Variants in PMPCA observed in about 807,000 individuals in gnomAD.
The protein encoded by PMPCA is mitochondrial-processing peptidase subunit alpha.
Under a neutral mutation model 59.3 loss-of-function variants are expected in PMPCA, and 47 were observed. That is an observed-to-expected ratio of 0.79 (90% CI 0.63 to 1.01). The LOEUF (loss-of-function observed/expected upper bound fraction) is 1.01. Among genes scored for constraint, PMPCA ranks in the 50% least tolerant of loss-of-function variants. The pLI is 0.00. For missense variants in PMPCA, 726 were observed against 704.5 expected, an observed-to-expected ratio of 1.03 and a Z score of -0.34; for synonymous variants, 338 against 290.3, an observed-to-expected ratio of 1.16 and a Z score of -1.67.
At chr9:136,422,986 G>A (rs1238777815) in intron 12 of PMPCA, 109 bp from the exon 13 acceptor site, 33 of 1,472,426 alleles carry the variant, frequency 2.2e-5, no homozygotes, top group Non-Finnish European at 2.7e-5. Context: ...CAGCAGCACA[G>A]CGTGAGTGAG....
intron 1 of PMPCA, chr9:136,411,523 G>C (rs994578923): frequency 5.5e-6 from 1 of 183,334 alleles, no homozygotes; most frequent in Non-Finnish European, 1.2e-5. Flanking sequence ...GGGTTGATGA[G>C]TCAAATGTGT....
At chr9:136,419,475 C>G (rs1018329702) in intron 11 of PMPCA, 5 of 391,368 alleles carry the variant, frequency 1.3e-5, no homozygotes, top group Admixed American at 1.1e-4. Context: ...TCAGCCGCCT[C>G]TGTGAGGTGA....
chr9:136,418,320 G>A (rs1420959891), intron 8 of PMPCA, among the ~76,000 whole-genome samples: 1 of 151,404 alleles, frequency 6.6e-6, no homozygotes, highest in Non-Finnish European at 1.5e-5. Flanking sequence ...GTCTGACGGC[G>A]CTCGTGACAC....
chr9:136,416,446 AC>A, intron 6 of PMPCA, 55 bp downstream of exon 6: 1 of 1,247,220 alleles, frequency 8.0e-7, no homozygotes, highest in Non-Finnish European at 1.2e-6. Flanking sequence ...TCCTCGGGAC[AC>A]CAGGGGTGGT....
chr9:136,423,507 C>T lies in PMPCA; in HGVS notation c.*243C>T, dbSNP rs1332001677. The stretch of plus-strand genomic sequence containing the variant: ...TGAAGTGCCCAGCGCTGGAGTGCAG[C>T]GTGCCACGAGGAGGGCGGTCGGTGC... On this transcript the variant is annotated 3_prime_UTR_variant, in exon 13 of 13. Coordinates refer to ENST00000371717, the MANE Select transcript of PMPCA (RefSeq NM_015160.3). 2.1e-5 allele frequency: 10 copies of T among 487,632 alleles called. No homozygotes were observed. The highest frequency in any genetic ancestry group is 6.7e-5 in the Admixed American group (2 of 29,854). The allele number at this position is 487,632 out of a possible 1,614,324, so 30.2% of individuals were successfully genotyped here.
At chr9:136,417,352 C>A in intron 7 of PMPCA, 138 bp downstream of exon 7, 1 of 642,498 alleles carries the variant, frequency 1.6e-6, no homozygotes. Flanking sequence ...ATGCTGTAGT[C>A]CCACAGCAGG....
At chr9:136,413,532 C>T (rs1393709152) in intron 4 of PMPCA, among the ~76,000 whole-genome samples, 1 of 152,196 alleles carries the variant, frequency 6.6e-6, no homozygotes, top group Non-Finnish European at 1.5e-5. Context: ...AAAAATTACA[C>T]ATAAAAGACA....
Position 136,417,167 on chromosome 9 carries a change from G to C in PMPCA, c.850G>C (p.Val284Leu), listed in dbSNP as rs374905438. The change falls in exon 7 of 13, where the codon GTG (valine) becomes CTG (leucine). Residue 284 changes from valine (V) to leucine (L), a missense_variant. By Grantham distance (32) the Val-to-Leu change is conservative. Transcript: ENST00000371717. Reference protein sequence around the residue: ...VQPAWGSAEAVDIDRSVAQYT... With the variant: ...VQPAWGSAEALDIDRSVAQYT... ...GCCGGCCTGGGGGAGCGCAGAGGCC[G>C]TGGATATTGACAGATCTGTGGCCCA... 1.2e-6 allele frequency: 2 copies of C among 1,610,102 alleles called. No homozygotes were observed. The highest frequency in any genetic ancestry group is 1.7e-6 in the Non-Finnish European group (2 of 1,177,400).
At chr9:136,422,892 A>T in intron 12 of PMPCA, 3 of 1,389,132 alleles carry the variant, frequency 2.2e-6, no homozygotes, top group Non-Finnish European at 2.8e-6. Context: ...CCATGTCCCC[A>T]TTTACTGAGA....
chr9:136,411,449 T>A (rs932413421), intron 1 of PMPCA: 1 of 161,398 alleles, frequency 6.2e-6, no homozygotes, highest in African/African-American at 2.4e-5. Context: ...AGGGAAGAGC[T>A]GAAGAATGAA....
intron 4 of PMPCA, among the ~76,000 whole-genome samples, chr9:136,413,607 T>G (rs1000642106): frequency 2.0e-5 from 3 of 152,204 alleles, no homozygotes; most frequent in Non-Finnish European, 4.4e-5. Context: ...ACAAGGCCTC[T>G]TAATACCCCC....
chr9:136,417,142 G>A lies in PMPCA; in HGVS notation c.825G>A (p.Gln275=), dbSNP rs1404980039. ...CCCGGAAGTACCTCCTGGGGGTCCA[G>A]CCGGCCTGGGGGAGCGCAGAGGCCG... ...DCARKYLLGV[Q]PAWGSAEAVD... The change falls in exon 7 of 13, where the codon CAG becomes CAA. Residue 275 remains glutamine (Q), a synonymous_variant. Coordinates refer to ENST00000371717, the MANE Select transcript of PMPCA (RefSeq NM_015160.3). The A allele has an allele frequency of 2.5e-6, 4 of 1,613,076 alleles. No homozygotes were observed. Among genetic ancestry groups the A allele is most frequent in the Non-Finnish European group, 2.5e-6 (3 of 1,179,612 alleles).
Position 136,412,096 on chromosome 9 carries a change from T to C in PMPCA, c.171T>C (p.Ala57=), listed in dbSNP as rs1835142206. The change falls in exon 2 of 13, where the codon GCT becomes GCC. Residue 57 remains alanine (A), a synonymous_variant. Transcript: ENST00000371717. ...PLPGVPKPVF[A]TVDGQEKFET... is the part of the protein sequence containing the mutation. Reference sequence around the variant, plus strand: ...CTGGAGTACCCAAGCCTGTTTTTGCTACAGTTGATGGACAGGAAAAGTTTG... The same window carrying C: ...CTGGAGTACCCAAGCCTGTTTTTGCCACAGTTGATGGACAGGAAAAGTTTG... 1.2e-6 allele frequency: 2 copies of C among 1,613,630 alleles called. No homozygotes were observed. The highest frequency in any genetic ancestry group is 1.1e-5 in the South Asian group (1 of 91,080).
chr9:136,417,455 T>G (rs1835313523), intron 7 of PMPCA, among the ~76,000 whole-genome samples: 1 of 151,300 alleles, frequency 6.6e-6, no homozygotes, highest in African/African-American at 2.4e-5. Flanking sequence ...GGAGTGGGTC[T>G]GCCACTGCGT....
intron 12 of PMPCA, 45 bp downstream of exon 12, chr9:136,422,021 A>G: frequency 6.4e-7 from 1 of 1,572,058 alleles, no homozygotes. Flanking sequence ...GGCCTCGGCC[A>G]GGCTCAGAGG....
Position 136,416,237 on chromosome 9 carries a change from G to A in PMPCA, c.533-54G>A. 2.3e-6 allele frequency: 3 copies of A among 1,311,110 alleles called. No individual in the cohort carries two copies. The Admixed American group carries it at 5.1e-5, about 22-fold the overall frequency. 81.2% of individuals were successfully genotyped at this position (1,311,110 alleles called of 1,614,324 possible). Reference sequence around the variant, plus strand: ...CACACAAGCTGTGGGTCACTGCTGTGTTCCTCATCTCTGCCTGTGCAGACT... The same window carrying A: ...CACACAAGCTGTGGGTCACTGCTGTATTCCTCATCTCTGCCTGTGCAGACT... On this transcript the variant is annotated intron_variant, in intron 5 of 12. Coordinates refer to ENST00000371717, the MANE Select transcript of PMPCA (RefSeq NM_015160.3).
intron 12 of PMPCA, 134 bp from the exon 13 acceptor site, chr9:136,422,961 C>G: frequency 1.4e-6 from 2 of 1,446,752 alleles, no homozygotes; most frequent in South Asian, 1.4e-5. Context: ...TGCCTTTGGG[C>G]CCAGGTGCCC....
intron 11 of PMPCA, among the ~76,000 whole-genome samples, chr9:136,421,178 T>G (rs1027037382): frequency 1.3e-5 from 2 of 152,242 alleles, no homozygotes; most frequent in Non-Finnish European, 2.9e-5. Context: ...GTTTCATTTG[T>G]TTTCCCCGAT....
At chr9:136,419,362 G>T in intron 11 of PMPCA, 1 of 573,534 alleles carries the variant, frequency 1.7e-6, no homozygotes, top group Non-Finnish European at 3.1e-6. Context: ...CCCAGTGCTC[G>T]GTCCACTACT....
Sources: allele counts gnomAD v4.1 joint callset (sites outside exome capture counted in the v4.1 genomes callset), GRCh38; gene constraint gnomAD v4.1.1; transcripts MANE v1.5; gene names NCBI Gene and HGNC (gene_info 2026-07-23, HGNC 2026-07-21).